Variants in XRCC4 observed in about 807,000 individuals in gnomAD.
XRCC4 encodes DNA repair protein XRCC4.
Under a neutral mutation model 39.1 loss-of-function variants are expected in XRCC4, and 28 were observed. The observed-to-expected ratio is 0.72, with a 90% CI of 0.53 to 0.98. The LOEUF (loss-of-function observed/expected upper bound fraction) is 0.98, where lower values mean the gene tolerates loss of function less well. Ranked by LOEUF, XRCC4 falls within the 50% of genes least tolerant of loss-of-function variation. The pLI is 0.00. For synonymous variants in XRCC4, 123 were observed against 126.4 expected (o/e 0.97, Z 0.18); for missense variants, 350 against 376.4 (o/e 0.93, Z 0.58).
chr5:83,081,625 A>G (rs984271808), intron 1 of XRCC4, among the ~76,000 whole-genome samples: 4 of 152,200 alleles, frequency 2.6e-5, no homozygotes, highest in South Asian at 2.1e-4. Context: ...TATAATGTCA[A>G]CTTGTAAACC....
intron 3 of XRCC4, among the ~76,000 whole-genome samples, chr5:83,183,827 A>G (rs868399536): frequency 6.6e-6 from 1 of 152,166 alleles, no homozygotes. Flanking sequence ...TCCCAGTCTC[A>G]TTAAAAATAG....
At chr5:83,140,945 C>G (rs1476074845) in intron 3 of XRCC4, among the ~76,000 whole-genome samples, 1 of 152,190 alleles carries the variant, frequency 6.6e-6, no homozygotes, top group African/African-American at 2.4e-5. Context: ...CATTTCCATC[C>G]AACCCTTTTA....
At chr5:83,314,488 G>A (rs577343478) in intron 7 of XRCC4, among the ~76,000 whole-genome samples, 3 of 152,214 alleles carry the variant, frequency 2.0e-5, no homozygotes, top group Admixed American at 2.0e-4. Context: ...ATTTAATACA[G>A]GCATAATTCA....
intron 3 of XRCC4, among the ~76,000 whole-genome samples, chr5:83,143,157 A>T (rs1372460731): frequency 2.0e-5 from 3 of 152,204 alleles, no homozygotes; most frequent in Non-Finnish European, 4.4e-5. Flanking sequence ...TTATTTTAAG[A>T]TTAAATGACT....
intron 6 of XRCC4, among the ~76,000 whole-genome samples, chr5:83,224,134 A>T (rs974607468): frequency 1.3e-5 from 2 of 151,738 alleles, no homozygotes; most frequent in Admixed American, 1.3e-4. Flanking sequence ...GTAGATTATT[A>T]TTGATAGGTA....
chr5:83,200,350 G>A lies in XRCC4; in HGVS notation c.483-3202G>A, dbSNP rs192917223. ...TGTCCAGTTTGATGATCAGAAGTTTGGTTGCAAAAAAATCCTAAAGCTTTG... is the reference window on the plus strand; with the variant it reads ...TGTCCAGTTTGATGATCAGAAGTTTAGTTGCAAAAAAATCCTAAAGCTTTG... On this transcript the variant is annotated intron_variant, in intron 4 of 7. Transcript: ENST00000396027. Among the ~76,000 whole-genome samples the A allele has an allele frequency of 5.1e-3, 771 of 152,138 alleles. 8 individuals are homozygous for A. Among genetic ancestry groups the A allele is most frequent in the African/African-American group, 0.018 (739 of 41,524 alleles).
At chr5:83,095,486 C>G (rs1490722816) in intron 1 of XRCC4, among the ~76,000 whole-genome samples, 6 of 152,160 alleles carry the variant, frequency 3.9e-5, no homozygotes, top group Middle Eastern at 3.2e-3. Flanking sequence ...GTTAAACTCC[C>G]TCCTATGTCA....
rs201049650 is a variant in XRCC4, at chr5:83,160,049, TTTC to T, written c.316-35717_316-35715del. Reference sequence around the variant, plus strand: ...TTAGTTTTCAAGACCCTGCTAGATATTTCTTCATTTTTCAATATGCCGTGAGTT... The same window carrying T: ...TTAGTTTTCAAGACCCTGCTAGATATTTCATTTTTCAATATGCCGTGAGTT... On this transcript the variant is annotated intron_variant, in intron 3 of 7. Coordinates refer to ENST00000396027, the MANE Select transcript of XRCC4 (RefSeq NM_003401.5). 3.2e-3 allele frequency among the ~76,000 whole-genome samples: 494 copies of T among 152,288 alleles called. 2 individuals carry two copies. Among genetic ancestry groups the T allele is most frequent in the African/African-American group, 0.011 (471 of 41,568 alleles).
At chr5:83,266,159 C>T (rs6452537) in intron 7 of XRCC4, among the ~76,000 whole-genome samples, 25,155 of 151,422 alleles carry the variant, frequency 0.17, 4,378 homozygotes, top group African/African-American at 0.44. Flanking sequence ...TAAATATTCA[C>T]TATACATGGC....
chr5:83,359,729 C>G, the XRCC4 span, among the ~76,000 whole-genome samples: 1 of 152,084 alleles, frequency 6.6e-6, no homozygotes, highest in Non-Finnish European at 1.5e-5. Context: ...TTTCCATTAG[C>G]TTCAATTAAC....
chr5:83,082,421 G>T (rs7736296), intron 1 of XRCC4, among the ~76,000 whole-genome samples: 75,253 of 151,974 alleles, frequency 0.5, 19,535 homozygotes, highest in African/African-American at 0.65. Context: ...ATGCACCGTG[G>T]TAGTATAAGA....
intron 7 of XRCC4, among the ~76,000 whole-genome samples, chr5:83,280,930 T>C (rs142592254): frequency 7.0e-4 from 107 of 152,328 alleles, no homozygotes; most frequent in African/African-American, 2.5e-3. Context: ...CTACATATCC[T>C]CTTTCCTGGA....
intron 7 of XRCC4, among the ~76,000 whole-genome samples, chr5:83,314,355 G>A (rs1755809257): frequency 6.6e-6 from 1 of 152,076 alleles, no homozygotes; most frequent in Non-Finnish European, 1.5e-5. Flanking sequence ...TCTAATTGTA[G>A]GTGAAATTGA....
intron 3 of XRCC4, among the ~76,000 whole-genome samples, chr5:83,127,176 G>T (rs182385130): frequency 1.2e-3 from 188 of 152,190 alleles, no homozygotes; most frequent in African/African-American, 4.3e-3. Flanking sequence ...TGTGTTATAA[G>T]GACATGAATT....
chr5:83,097,627 A>G (rs1290951643), intron 1 of XRCC4, among the ~76,000 whole-genome samples: 1 of 152,034 alleles, frequency 6.6e-6, no homozygotes, highest in African/African-American at 2.4e-5. Flanking sequence ...CTCTTTTGGA[A>G]TTGAAATAAG....
chr5:83,330,692 A>C (rs1001633698), intron 7 of XRCC4, among the ~76,000 whole-genome samples: 1 of 152,050 alleles, frequency 6.6e-6, no homozygotes, highest in African/African-American at 2.4e-5. Context: ...ATTATGCCCT[A>C]TAACATGTAT....
chr5:83,290,460 T>G (rs189209912), intron 7 of XRCC4, among the ~76,000 whole-genome samples: 1 of 151,382 alleles, frequency 6.6e-6, no homozygotes, highest in Non-Finnish European at 1.5e-5. Flanking sequence ...TTATATATCT[T>G]AAGTATTCTG....
At chr5:83,186,941 A>ATTTTTTTTTTTTTT (rs770811313) in intron 3 of XRCC4, among the ~76,000 whole-genome samples, 10 of 87,496 alleles carry the variant, frequency 1.1e-4, no homozygotes, top group African/African-American at 5.4e-4. Flanking sequence ...TGCTTCTTCC[A>ATTTTTTTTTTTTTT]TTTTTTTTTT....
intron 3 of XRCC4, among the ~76,000 whole-genome samples, chr5:83,130,426 T>G (rs1260384387): frequency 6.6e-6 from 1 of 152,074 alleles, no homozygotes; most frequent in African/African-American, 2.4e-5. Flanking sequence ...GGTCTAAAAT[T>G]GTCTTTTTTT....
Sources: allele counts gnomAD v4.1 joint callset (sites outside exome capture counted in the v4.1 genomes callset), GRCh38; gene constraint gnomAD v4.1.1; transcripts MANE v1.5; gene names NCBI Gene and HGNC (gene_info 2026-07-23, HGNC 2026-07-21).